The following SLC26A8 variants were observed in gnomAD, a reference collection of about 807,000 sequenced individuals.
SLC26A8 encodes the protein testis anion transporter 1.
In SLC26A8, 70 loss-of-function variants were observed where a neutral mutation model predicts 105.0. That is an observed-to-expected ratio of 0.67 (90% CI 0.55 to 0.81). The LOEUF (loss-of-function observed/expected upper bound fraction) is 0.81, where lower values mean the gene tolerates loss of function less well. Among genes scored for constraint, SLC26A8 ranks in the 40% least tolerant of loss-of-function variants. SLC26A8 has a pLI of 0.00. For missense variants in SLC26A8, 998 were observed against 1,181.8 expected, an observed-to-expected ratio of 0.84 and a Z score of 2.28; for synonymous variants, 415 against 438.3, an observed-to-expected ratio of 0.95 and a Z score of 0.66.
intron 3 of SLC26A8, among the ~76,000 whole-genome samples, chr6:36,009,890 G>A (rs1426176257): frequency 6.6e-6 from 1 of 152,154 alleles, no homozygotes; most frequent in Non-Finnish European, 1.5e-5. Context: ...TCTTACAAAC[G>A]CATGTGAATC....
intron 5 of SLC26A8, among the ~76,000 whole-genome samples, chr6:35,993,188 GA>G (rs144917837): frequency 0.26 from 25,993 of 100,398 alleles, 7,502 homozygotes; most frequent in East Asian, 0.69. Context: ...ATAGAGATTG[GA>G]GGGGGGGGTC....
At chr6:36,012,513 T>A (rs1761890687) in intron 2 of SLC26A8, 141 bp from the exon 3 acceptor site, 1 of 933,288 alleles carries the variant, frequency 1.1e-6, no homozygotes, top group Non-Finnish European at 1.5e-6. Flanking sequence ...TTGGACCAGA[T>A]AATTCTTTGT....
intron 5 of SLC26A8, among the ~76,000 whole-genome samples, chr6:35,996,854 G>T (rs1761368807): frequency 1.3e-5 from 2 of 152,072 alleles, no homozygotes; most frequent in South Asian, 4.1e-4. Flanking sequence ...GGCTAACATG[G>T]TGAAACCCCT....
intron 19 of SLC26A8, 64 bp downstream of exon 19, chr6:35,951,099 T>TCCC: frequency 2.5e-6 from 1 of 404,130 alleles, no homozygotes. Context: ...CAACCACCCC[T>TCCC]CACCCATCCC....
Position 36,019,555 on chromosome 6 carries a change from G to A in SLC26A8, c.153C>T (p.Ile51=). Residue 51 remains isoleucine, a synonymous_variant, in exon 2 of 20, where the codon ATC becomes ATT. Coordinates refer to ENST00000490799, the MANE Select transcript of SLC26A8 (RefSeq NM_052961.4). ...CGTGGTGTCTGAAGGTGGTGATGTT[G>A]ATGTTCATGTTCCCAGAAGAGGAGG... ...RKASSSGNMN[I]NITTFRHHVQ... is the part of the protein sequence containing the mutation. 3 of 1,613,980 alleles carry A rather than the reference G, an allele frequency of 1.9e-6. No individual in the cohort carries two copies. The highest frequency in any genetic ancestry group is 2.5e-6 in the Non-Finnish European group (3 of 1,180,004).
intron 17 of SLC26A8, among the ~76,000 whole-genome samples, chr6:35,953,013 C>CA (rs11364963): frequency 0.25 from 15,293 of 62,196 alleles, 1,932 homozygotes; most frequent in Non-Finnish European, 0.28. Flanking sequence ...GATGCTGTCT[C>CA]AAAAAAAAAA....
intron 2 of SLC26A8, among the ~76,000 whole-genome samples, chr6:36,017,306 A>G (rs925149102): frequency 2.2e-4 from 34 of 152,148 alleles, no homozygotes; most frequent in African/African-American, 8.2e-4. Context: ...CAACAAAAGA[A>G]AATACAGATA....
chr6:35,992,574 G>T lies in SLC26A8; in HGVS notation c.728C>A (p.Ser243Tyr), dbSNP rs1370873645. Residue 243 changes from serine (S) to tyrosine (Y), a missense_variant, in exon 6 of 20, where the codon TCC (serine) becomes TAC (tyrosine). Transcript: ENST00000490799. ...LAAVALHIML[S>Y]QLTFIFGIMI... ...AATCCCAAAGATGAAAGTCAGCTGG[G>T]ACAGCATGATATGAAGTGCCACAGC... 1.2e-6 allele frequency: 2 copies of T among 1,614,114 alleles called. No homozygotes were observed. The highest frequency in any genetic ancestry group is 2.7e-5 in the African/African-American group (2 of 75,052).
intron 3 of SLC26A8, among the ~76,000 whole-genome samples, chr6:36,001,955 T>C (rs969345864): frequency 1.3e-5 from 2 of 152,204 alleles, no homozygotes; most frequent in South Asian, 4.1e-4. Context: ...TGGGGTGATC[T>C]TTAAAAAATT....
In SLC26A8 at chr6:36,003,930, G is replaced by C. The variant is rs563287922; in HGVS notation, c.329-3822C>G. 3.1e-3 allele frequency among the ~76,000 whole-genome samples: 465 copies of C among 151,976 alleles called. 3 individuals carry two copies. Among genetic ancestry groups the C allele is most frequent in the African/African-American group, 0.011 (456 of 41,482 alleles). ...CCTGCCTCGGCCTCCCAAAGTGCTG[G>C]GGTTACAGGCGTGAGCCACCATGCC... On this transcript the variant is annotated intron_variant, in intron 3 of 19. Coordinates refer to ENST00000490799, the MANE Select transcript of SLC26A8 (RefSeq NM_052961.4).
At chr6:35,960,791 G>A in intron 14 of SLC26A8, 52 bp downstream of exon 14, 4 of 1,548,374 alleles carry the variant, frequency 2.6e-6, no homozygotes, top group South Asian at 1.1e-5. Flanking sequence ...AGCATGAGGT[G>A]GGGCCCACTC....
chr6:35,977,611 G>C (rs1011426175), intron 8 of SLC26A8, among the ~76,000 whole-genome samples: 39 of 152,102 alleles, frequency 2.6e-4, no homozygotes, highest in African/African-American at 9.4e-4. Flanking sequence ...AACAGAACAG[G>C]CCAAACATTA....
intron 19 of SLC26A8, among the ~76,000 whole-genome samples, chr6:35,950,790 G>C (rs188379464): frequency 2.6e-5 from 4 of 152,170 alleles, no homozygotes; most frequent in Non-Finnish European, 5.9e-5. Context: ...GAATTCTAAA[G>C]GTATAGCTAG....
At chr6:35,993,075 T>C (rs1314173962) in intron 5 of SLC26A8, among the ~76,000 whole-genome samples, 2 of 151,546 alleles carry the variant, frequency 1.3e-5, no homozygotes, top group Non-Finnish European at 2.9e-5. Context: ...CATAGCTCAC[T>C]GTAACCTCAA....
intron 17 of SLC26A8, among the ~76,000 whole-genome samples, chr6:35,952,324 ATT>A (rs1195478411): frequency 6.6e-6 from 1 of 152,184 alleles, no homozygotes; most frequent in Non-Finnish European, 1.5e-5. Flanking sequence ...TGAGGGTCAC[ATT>A]CAGAGCTGCC....
At chr6:35,969,204 A>G (rs1772682379) in intron 10 of SLC26A8, 2 of 450,454 alleles carry the variant, frequency 4.4e-6, no homozygotes, top group East Asian at 8.5e-5. Flanking sequence ...TGTCCTGGGC[A>G]TTTGAATCTT....
Position 36,019,697 on chromosome 6 carries a change from A to G in SLC26A8, c.11T>C (p.Leu4Pro). Residue 4 changes from leucine (L) to proline (P), a missense_variant, in exon 2 of 20, where the codon CTA becomes CCA. Coordinates refer to ENST00000490799, the MANE Select transcript of SLC26A8 (RefSeq NM_052961.4). ...GAAGCCAGAGATGGCGCTCCTCTCT[A>G]GTTGTGCCATTCCTGGATGAGTGGA... MAQ[L>P]ERSAISGFSS... 1.2e-6 allele frequency: 2 copies of G among 1,612,908 alleles called. No homozygotes were observed. Among genetic ancestry groups the G allele is most frequent in the South Asian group, 1.1e-5 (1 of 90,882 alleles).
chr6:35,991,545 T>A, intron 7 of SLC26A8, 114 bp downstream of exon 7: 5 of 727,054 alleles, frequency 6.9e-6, no homozygotes, highest in Non-Finnish European at 1.0e-5. Context: ...TTTTCACAAA[T>A]ATAAGCATAT....
intron 3 of SLC26A8, among the ~76,000 whole-genome samples, chr6:36,005,408 C>T (rs904187774): frequency 1.3e-5 from 2 of 152,116 alleles, no homozygotes; most frequent in Admixed American, 1.3e-4. Context: ...GTTGTTATTT[C>T]CCCTTATTCC....
Sources: gnomAD v4.1 joint callset for allele counts (sites outside exome capture counted in the v4.1 genomes callset) on GRCh38, gnomAD v4.1.1 for gene constraint, MANE v1.5 for transcripts, NCBI Gene and HGNC (gene_info 2026-07-23, HGNC 2026-07-21) for gene names.